The following CUEDC1 variants were observed in gnomAD, a reference collection of about 807,000 sequenced individuals.
CUEDC1 encodes the protein CUE domain containing 1, also known as CUE domain-containing protein 1.
CUEDC1 carries 30 observed loss-of-function variants against 43.7 expected under a neutral mutation model. The observed-to-expected ratio is 0.69, with a 90% CI of 0.51 to 0.93. The LOEUF (loss-of-function observed/expected upper bound fraction) is 0.93, where lower values mean the gene tolerates loss of function less well. Ranked by LOEUF, CUEDC1 falls within the 40% of genes least tolerant of loss-of-function variation. The pLI is 0.00. For missense variants in CUEDC1, 486 were observed against 549.0 expected, an observed-to-expected ratio of 0.89 and a Z score of 1.15; for synonymous variants, 223 against 223.6, an observed-to-expected ratio of 1.00 and a Z score of 0.02.
intron 1 of CUEDC1, among the ~76,000 whole-genome samples, chr17:57,910,327 A>G (rs1251000140): frequency 2.0e-5 from 3 of 152,190 alleles, no homozygotes; most frequent in African/African-American, 7.2e-5. Context: ...GAAAAAGTAC[A>G]CCTGAAAGCA....
intron 3 of CUEDC1, among the ~76,000 whole-genome samples, chr17:57,874,859 C>CGGCGGGGGCGAGGGGAAGG (rs1038248016): frequency 7.1e-6 from 1 of 141,280 alleles, no homozygotes; most frequent in South Asian, 2.6e-4. Context: ...GGGTGGCCGG[C>CGGCGGGGGCGAGGGGAAGG]GGCGGGGGCG....
intron 9 of CUEDC1, chr17:57,866,748 C>G (rs2073965024): frequency 1.6e-5 from 9 of 569,060 alleles, no homozygotes; most frequent in Non-Finnish European, 2.8e-5. Flanking sequence ...CACCACTGAG[C>G]TCTGAGACCT....
intron 1 of CUEDC1, among the ~76,000 whole-genome samples, chr17:57,951,648 T>C (rs6503839): frequency 0.98 from 149,025 of 152,172 alleles, 73,040 homozygotes; most frequent in East Asian, 1. Flanking sequence ...TTAGTAGAGA[T>C]AGGTTTCACC....
chr17:57,888,691 T>A (rs2074324512), intron 1 of CUEDC1, among the ~76,000 whole-genome samples: 1 of 152,282 alleles, frequency 6.6e-6, no homozygotes, highest in South Asian at 2.1e-4. Flanking sequence ...TCTGGGGACC[T>A]GCCCTCAAGC....
At chr17:57,910,938 T>C (rs1443270) in intron 1 of CUEDC1, among the ~76,000 whole-genome samples, 23,418 of 152,056 alleles carry the variant, frequency 0.15, 2,053 homozygotes, top group African/African-American at 0.23. Flanking sequence ...ACCCTCAGCC[T>C]CCCAAGCCCG....
At position 57,879,518 on chromosome 17, in the gene CUEDC1, C is replaced by A. The variant is rs919771000; in HGVS notation, c.464+93G>T. 18 of 1,442,094 alleles carry A rather than the reference C, an allele frequency of 1.2e-5. No individual in the cohort carries two copies. The East Asian group carries it at 2.9e-4, about 24-fold the overall frequency. 89.3% of individuals were successfully genotyped at this position (1,442,094 alleles called of 1,614,324 possible). A position where few individuals can be genotyped will look rare whatever the true frequency, so the allele number is the denominator to read the frequency against. On this transcript the variant is annotated intron_variant, in intron 3 of 10. Coordinates refer to ENST00000577830, the MANE Select transcript of CUEDC1 (RefSeq NM_001271875.2). ...AGCCTGTTCTTTGAAATATACTGAG[C>A]AGTCCAGCCAAGTTTCGTGTTGTTT...
At chr17:57,906,852 A>G (rs1313054685) in intron 1 of CUEDC1, among the ~76,000 whole-genome samples, 1 of 151,962 alleles carries the variant, frequency 6.6e-6, no homozygotes, top group Non-Finnish European at 1.5e-5. Flanking sequence ...GGCGCCTGTA[A>G]TCCCAGCTAC....
intron 1 of CUEDC1, among the ~76,000 whole-genome samples, chr17:57,910,248 G>GT (rs938563283): frequency 1.1e-4 from 16 of 151,766 alleles, no homozygotes; most frequent in Non-Finnish European, 1.2e-4. Context: ...CATGGAGTAA[G>GT]TTTTTTTTTC....
At chr17:57,887,499 A>AT (rs1463398896) in intron 1 of CUEDC1, among the ~76,000 whole-genome samples, 8 of 99,270 alleles carry the variant, frequency 8.1e-5, no homozygotes, top group South Asian at 3.9e-4. Flanking sequence ...CTGATACAGA[A>AT]ATTTTTTTTT....
chr17:57,884,727 G>T (rs906611447), intron 2 of CUEDC1, among the ~76,000 whole-genome samples: 5 of 152,236 alleles, frequency 3.3e-5, no homozygotes, highest in Non-Finnish European at 5.9e-5. Flanking sequence ...CCTCTGGGAA[G>T]TCACTCCTTT....
In CUEDC1 at chr17:57,861,378, A is replaced by C. The variant is rs1163015377; in HGVS notation, c.*1911T>G. 6.6e-6 allele frequency: 1 copy of C among 152,268 alleles called. No homozygotes were observed. The highest frequency in any genetic ancestry group is 1.5e-5 in the Non-Finnish European group (1 of 68,086). 9.4% of individuals were successfully genotyped at this position (152,268 alleles called of 1,614,324 possible). On this transcript the variant is annotated 3_prime_UTR_variant, in exon 11 of 11. Transcript: ENST00000577830. Reference sequence around the variant, plus strand: ...GTCCTGGGCCAAACAGGAAGGCGACAGCGCTAGACGCAGCCGGCAGGTCCG... The same window carrying C: ...GTCCTGGGCCAAACAGGAAGGCGACCGCGCTAGACGCAGCCGGCAGGTCCG...
At chr17:57,915,343 AG>A (rs2074628276) in intron 1 of CUEDC1, among the ~76,000 whole-genome samples, 1 of 151,936 alleles carries the variant, frequency 6.6e-6, no homozygotes, top group South Asian at 2.1e-4. Flanking sequence ...GCACGCTCAG[AG>A]GTCCCCTCAG....
chr17:57,879,676 C>T lies in CUEDC1; in HGVS notation c.399G>A (p.Pro133=), dbSNP rs761158186. 6.5e-5 allele frequency: 104 copies of T among 1,601,926 alleles called. No homozygotes were observed. Among genetic ancestry groups the T allele is most frequent in the East Asian group, 4.6e-5 (2 of 43,370 alleles). Residue 133 remains proline, a synonymous_variant, in exon 3 of 11, where the codon CCG becomes CCA. Transcript: ENST00000577830. ...CGAACACGTGCATGTGGTAGGCTGG[C>T]GGGGAGTACACAGGTGGGGGCTCTT... ...SDEEPPPVYS[P]PAYHMHVFDR...
chr17:57,864,271 G>A (rs975973705), intron 10 of CUEDC1, among the ~76,000 whole-genome samples: 2 of 152,088 alleles, frequency 1.3e-5, no homozygotes, highest in African/African-American at 2.4e-5. Flanking sequence ...CTGGGGACAC[G>A]AAGCAGCTCT....
At chr17:57,950,714 C>A (rs2074998927) in intron 1 of CUEDC1, among the ~76,000 whole-genome samples, 1 of 152,148 alleles carries the variant, frequency 6.6e-6, no homozygotes, top group Non-Finnish European at 1.5e-5. Flanking sequence ...CTCAGGTGAT[C>A]CGCCCGCCTC....
chr17:57,921,941 T>C (rs2074702438), intron 1 of CUEDC1, among the ~76,000 whole-genome samples: 1 of 152,158 alleles, frequency 6.6e-6, no homozygotes, highest in South Asian at 2.1e-4. Context: ...GGTGAAACCC[T>C]GTCTCTACTA....
At chr17:57,865,202 G>A (rs189498253) in intron 10 of CUEDC1, among the ~76,000 whole-genome samples, 90 of 152,314 alleles carry the variant, frequency 5.9e-4, no homozygotes, top group Admixed American at 2.3e-3. Context: ...CAGTGGAGGC[G>A]ATTCCCCGGC....
chr17:57,880,011 G>C lies in CUEDC1; in HGVS notation c.337-273C>G, dbSNP rs557308603. On this transcript the variant is annotated intron_variant, in intron 2 of 10. Coordinates refer to ENST00000577830, the MANE Select transcript of CUEDC1 (RefSeq NM_001271875.2). ...GTTCACAGCAGCATTCTCCCTCCAT[G>C]TGCAGTTCAAATACAGGCAGAAACA... Among the ~76,000 whole-genome samples, 18 of 152,302 alleles carry C rather than the reference G, an allele frequency of 1.2e-4. No homozygotes were observed. In the South Asian group the frequency reaches 3.7e-3, roughly 32 times the overall value.
intron 1 of CUEDC1, among the ~76,000 whole-genome samples, chr17:57,923,101 C>T (rs1474114357): frequency 6.6e-6 from 1 of 152,168 alleles, no homozygotes; most frequent in Non-Finnish European, 1.5e-5. Context: ...GCTAGGATTA[C>T]AGGCATGAGC....
Sources: allele counts gnomAD v4.1 joint callset (sites outside exome capture counted in the v4.1 genomes callset), GRCh38; gene constraint gnomAD v4.1.1; transcripts MANE v1.5; gene names NCBI Gene and HGNC (gene_info 2026-07-23, HGNC 2026-07-21).